The following DNAAF1 variants were observed in gnomAD, a reference collection of about 807,000 sequenced individuals.
DNAAF1 encodes the protein dynein axonemal assembly factor 1.
In DNAAF1, 65 loss-of-function variants were observed where a neutral mutation model predicts 71.1. That is an observed-to-expected ratio of 0.91 (90% confidence interval 0.75 to 1.12). The LOEUF is 1.12. DNAAF1 is among the 50% of genes most tolerant of loss of function. DNAAF1 has a pLI of 0.00. For synonymous variants in DNAAF1, 414 were observed against 354.6 expected (o/e 1.17, Z -1.88); for missense variants, 1,178 against 899.8 (o/e 1.31, Z -3.96).
chr16:84,155,076 T>A (rs1051001556), intron 4 of DNAAF1, among the ~76,000 whole-genome samples: 1 of 152,002 alleles, frequency 6.6e-6, no homozygotes, highest in Non-Finnish European at 1.5e-5. Context: ...ACCTGGCTAA[T>A]TTTTTGTATT....
At chr16:84,155,447 T>C (rs1174357977) in intron 4 of DNAAF1, 136 bp from the exon 5 acceptor site, 9 of 1,025,320 alleles carry the variant, frequency 8.8e-6, no homozygotes, top group South Asian at 1.3e-5. Flanking sequence ...CAGGCTGGTC[T>C]CAAACCTCCT....
At chr16:84,151,372 G>C (rs2087172982) in intron 3 of DNAAF1, among the ~76,000 whole-genome samples, 1 of 152,116 alleles carries the variant, frequency 6.6e-6, no homozygotes, top group Admixed American at 6.6e-5. Flanking sequence ...AATGCCTTAA[G>C]GGGTTGGAAC....
intron 9 of DNAAF1, chr16:84,174,289 A>G (rs2088538252): frequency 9.0e-7 from 1 of 1,112,536 alleles, no homozygotes; most frequent in Non-Finnish European, 1.1e-6. Flanking sequence ...GAGGTACAAA[A>G]TATATTACTT....
intron 8 of DNAAF1, among the ~76,000 whole-genome samples, chr16:84,170,593 G>A (rs1339614694): frequency 1.3e-5 from 2 of 152,112 alleles, no homozygotes; most frequent in Non-Finnish European, 2.9e-5. Context: ...AGGAACTTTG[G>A]GAGGCCAAGG....
chr16:84,168,042 T>C (rs1375909410), intron 7 of DNAAF1, among the ~76,000 whole-genome samples: 2 of 151,186 alleles, frequency 1.3e-5, no homozygotes, highest in Non-Finnish European at 1.5e-5. Flanking sequence ...CCCACAAATC[T>C]GTTTTACCCT....
chr16:84,151,954 G>C (rs1340278698), intron 3 of DNAAF1, among the ~76,000 whole-genome samples: 2 of 152,226 alleles, frequency 1.3e-5, no homozygotes, highest in Non-Finnish European at 2.9e-5. Context: ...ATTGTATGCT[G>C]TTGGTGTCTG....
intron 3 of DNAAF1, among the ~76,000 whole-genome samples, chr16:84,153,626 TA>T (rs1370621431): frequency 6.6e-6 from 1 of 152,166 alleles, no homozygotes; most frequent in Non-Finnish European, 1.5e-5. Context: ...TAGAATTTTT[TA>T]ATAAAAACTT....
Position 84,170,359 on chromosome 16 carries a change from A to C in DNAAF1, c.1528+3A>C, listed in dbSNP as rs917412410. The C allele has an allele frequency of 6.8e-6, 11 of 1,613,596 alleles. No individual in the cohort carries two copies. The highest frequency in any genetic ancestry group is 9.3e-6 in the Non-Finnish European group (11 of 1,180,028). On this transcript the variant is annotated splice_donor_region_variant and intron_variant, in intron 8 of 11. Transcript: ENST00000378553. ...GCCCCTGGGAGCTGCCAGGGAAGGT[A>C]ATGTGAGCGGAGAAACACACACAGA...
At chr16:84,168,620 C>T (rs970113186) in intron 7 of DNAAF1, among the ~76,000 whole-genome samples, 1 of 151,996 alleles carries the variant, frequency 6.6e-6, no homozygotes, top group East Asian at 1.9e-4. Context: ...TATGTTGCTT[C>T]CTGTCTAGTC....
At chr16:84,177,705 C>T (rs1403907052) in intron 11 of DNAAF1, 24 bp from the exon 12 acceptor site, 1 of 1,598,578 alleles carries the variant, frequency 6.3e-7, no homozygotes, top group Non-Finnish European at 8.6e-7. Context: ...AGGGAGAAAG[C>T]ACAGGTCACC....
chr16:84,150,774 T>A (rs1240729238), intron 3 of DNAAF1, among the ~76,000 whole-genome samples: 2 of 151,986 alleles, frequency 1.3e-5, no homozygotes, highest in Non-Finnish European at 2.9e-5. Context: ...CCACCACGCC[T>A]TGCTAATTTT....
intron 6 of DNAAF1, 35 bp from the exon 7 acceptor site, chr16:84,165,748 C>T (rs967626046): frequency 6.3e-7 from 1 of 1,595,194 alleles, no homozygotes; most frequent in East Asian, 2.2e-5. Flanking sequence ...TTGGAGTTCA[C>T]CTCCCCTATT....
chr16:84,162,859 A>T (rs2087780759), intron 6 of DNAAF1, among the ~76,000 whole-genome samples: 1 of 151,734 alleles, frequency 6.6e-6, no homozygotes, highest in South Asian at 2.1e-4. Flanking sequence ...ATTAGCAGCC[A>T]ACCCCCTATT....
chr16:84,149,763 G>A lies in DNAAF1; in HGVS notation c.261-488G>A, dbSNP rs1340724892. Among the ~76,000 whole-genome samples, 14 of 150,750 alleles carry A rather than the reference G, an allele frequency of 9.3e-5. No individual in the cohort carries two copies. The Admixed American group carries it at 9.3e-4, about 10-fold the overall frequency. ...AAATAAGCCAAGCGTGGTGGCCCTT[G>A]CCTGTAATCCCAGTACTTTGGGAGG... On this transcript the variant is annotated intron_variant, in intron 2 of 11. Coordinates refer to ENST00000378553, the MANE Select transcript of DNAAF1 (RefSeq NM_178452.6).
intron 9 of DNAAF1, chr16:84,172,802 C>T (rs1409832337): frequency 9.4e-6 from 10 of 1,063,652 alleles, no homozygotes; most frequent in East Asian, 7.6e-5. Context: ...CCTCCGTGGA[C>T]ACCGCCCAGC....
intron 2 of DNAAF1, among the ~76,000 whole-genome samples, chr16:84,149,703 A>C (rs1326400031): frequency 2.0e-5 from 3 of 150,294 alleles, no homozygotes; most frequent in East Asian, 2.0e-4. Flanking sequence ...AAAAAAAAAA[A>C]AAAAAACATA....
chr16:84,160,709 C>T (rs1005688313), intron 6 of DNAAF1, among the ~76,000 whole-genome samples: 2 of 151,328 alleles, frequency 1.3e-5, no homozygotes, highest in Admixed American at 6.6e-5. Flanking sequence ...CCAAGGCGGG[C>T]GGATCACGAG....
intron 5 of DNAAF1, among the ~76,000 whole-genome samples, chr16:84,156,174 G>A (rs1162480129): frequency 6.6e-6 from 1 of 152,080 alleles, no homozygotes; most frequent in Non-Finnish European, 1.5e-5. Context: ...TGTTGTCCAG[G>A]CTGGTCTTGA....
chr16:84,152,814 TGTG>T (rs1190013988), intron 3 of DNAAF1, among the ~76,000 whole-genome samples: 2 of 151,564 alleles, frequency 1.3e-5, no homozygotes, highest in East Asian at 1.9e-4. Context: ...ATTAGCCAGG[TGTG>T]GTGATGGCGG....
Sources: allele counts gnomAD v4.1 joint callset (sites outside exome capture counted in the v4.1 genomes callset), GRCh38; gene constraint gnomAD v4.1.1; transcripts MANE v1.5; gene names NCBI Gene and HGNC (gene_info 2026-07-23, HGNC 2026-07-21).